Variants in DSCAM observed in about 807,000 individuals in gnomAD.
DSCAM encodes the protein cell adhesion molecule DSCAM.
DSCAM carries 47 observed loss-of-function variants against 217.7 expected under a neutral mutation model. The ratio of observed to expected loss-of-function variants is 0.22; its 90% CI spans 0.17 to 0.28. The LOEUF is 0.28. Among genes scored for constraint, DSCAM ranks in the 10% least tolerant of loss-of-function variants. The pLI is 1.00. For synonymous variants in DSCAM, 1,056 were observed against 1,015.3 expected, an observed-to-expected ratio of 1.04 and a Z score of -0.76; for missense variants, 2,080 against 2,618.3, an observed-to-expected ratio of 0.79 and a Z score of 4.49.
At chr21:40,045,737 C>G (rs2088832141) in intron 30 of DSCAM, among the ~76,000 whole-genome samples, 1 of 152,202 alleles carries the variant, frequency 6.6e-6, no homozygotes, top group East Asian at 1.9e-4. Context: ...CTGGCCACTT[C>G]TAAACCCAGC....
intron 3 of DSCAM, among the ~76,000 whole-genome samples, chr21:40,550,326 A>T (rs2076619462): frequency 6.6e-6 from 1 of 152,152 alleles, no homozygotes; most frequent in Admixed American, 6.5e-5. Flanking sequence ...GAAGTTTGAG[A>T]CCATCCTGGC....
At chr21:40,204,755 A>T (rs1473814936) in intron 11 of DSCAM, among the ~76,000 whole-genome samples, 1 of 152,234 alleles carries the variant, frequency 6.6e-6, no homozygotes, top group Non-Finnish European at 1.5e-5. Flanking sequence ...TGTAGTATTA[A>T]TGATACAAAG....
intron 20 of DSCAM, among the ~76,000 whole-genome samples, chr21:40,116,842 A>C (rs1244605025): frequency 6.6e-6 from 1 of 151,698 alleles, no homozygotes; most frequent in Non-Finnish European, 1.5e-5. Flanking sequence ...CTCTACTAAA[A>C]ATACAAAACA....
At chr21:40,191,110 A>G (rs566718806) in intron 11 of DSCAM, among the ~76,000 whole-genome samples, 13 of 152,186 alleles carry the variant, frequency 8.5e-5, no homozygotes, top group Non-Finnish European at 1.6e-4. Flanking sequence ...GTACTTGACC[A>G]TAGAAACACT....
intron 3 of DSCAM, among the ~76,000 whole-genome samples, chr21:40,498,668 C>CCATAT (rs1555846358): frequency 3.5e-5 from 1 of 28,526 alleles, no homozygotes; most frequent in African/African-American, 1.2e-4. Flanking sequence ...TATATATACC[C>CCATAT]ATATATATAT....
At chr21:40,496,533 A>G (rs1364975049) in intron 3 of DSCAM, among the ~76,000 whole-genome samples, 4 of 152,212 alleles carry the variant, frequency 2.6e-5, no homozygotes, top group Admixed American at 2.6e-4. Context: ...AAAATGGATT[A>G]AACACTTAAA....
intron 3 of DSCAM, among the ~76,000 whole-genome samples, chr21:40,580,292 G>A (rs963144888): frequency 1.6e-4 from 24 of 152,100 alleles, no homozygotes; most frequent in African/African-American, 5.5e-4. Flanking sequence ...CAGCACTTTG[G>A]GAGGCCGAGG....
intron 1 of DSCAM, among the ~76,000 whole-genome samples, chr21:40,846,106 AG>A (rs2092142889): frequency 6.6e-6 from 1 of 152,152 alleles, no homozygotes. Context: ...GGTGCATAGA[AG>A]GACAGAACAT....
intron 11 of DSCAM, among the ~76,000 whole-genome samples, chr21:40,267,466 A>G (rs2073554514): frequency 6.6e-6 from 1 of 152,196 alleles, no homozygotes; most frequent in African/African-American, 2.4e-5. Context: ...TTAAGTTACA[A>G]TGTTAGGATG....
chr21:40,413,752 G>C (rs2075344834), intron 3 of DSCAM, among the ~76,000 whole-genome samples: 1 of 152,162 alleles, frequency 6.6e-6, no homozygotes, highest in South Asian at 2.1e-4. Context: ...TTCACACAAA[G>C]ATAAACATAG....
At chr21:40,492,929 G>A (rs8130540) in intron 3 of DSCAM, among the ~76,000 whole-genome samples, 104,306 of 151,962 alleles carry the variant, frequency 0.69, 37,322 homozygotes, top group African/African-American at 0.91. Context: ...ACCAAGACAT[G>A]CTATAATCAA....
chr21:40,492,807 C>A (rs768948340), intron 3 of DSCAM, among the ~76,000 whole-genome samples: 34 of 152,026 alleles, frequency 2.2e-4, no homozygotes, highest in Admixed American at 6.6e-4. Flanking sequence ...AGAGGTAGAA[C>A]ACTTACTTAA....
At chr21:40,366,283 C>T (rs577648545) in intron 4 of DSCAM, among the ~76,000 whole-genome samples, 2 of 152,144 alleles carry the variant, frequency 1.3e-5, no homozygotes, top group Middle Eastern at 3.4e-3. Flanking sequence ...TTTAGTTATA[C>T]ATGTGTTTCA....
At chr21:40,792,570 C>G (rs935216823) in intron 1 of DSCAM, among the ~76,000 whole-genome samples, 17 of 152,142 alleles carry the variant, frequency 1.1e-4, no homozygotes, top group Non-Finnish European at 2.1e-4. Flanking sequence ...TCTGGAGGAA[C>G]ATGATTCAGT....
chr21:40,369,375 C>T (rs1292789300), intron 3 of DSCAM, 130 bp from the exon 4 acceptor site: 23 of 605,876 alleles, frequency 3.8e-5, no homozygotes, highest in African/African-American at 1.5e-4. Context: ...AAAATGGGTG[C>T]GTGCGTCTGC....
At chr21:40,547,746 G>C (rs1475449291) in intron 3 of DSCAM, among the ~76,000 whole-genome samples, 3 of 152,124 alleles carry the variant, frequency 2.0e-5, no homozygotes, top group Admixed American at 6.5e-5. Context: ...CTGGACACTG[G>C]GTTTCTGGAG....
chr21:40,577,383 C>T (rs2076860537), intron 3 of DSCAM, among the ~76,000 whole-genome samples: 1 of 151,082 alleles, frequency 6.6e-6, no homozygotes, highest in African/African-American at 2.4e-5. Context: ...AGGGCACTGA[C>T]ACGGTAGTCG....
chr21:40,563,568 T>C (rs940505988), intron 3 of DSCAM, among the ~76,000 whole-genome samples: 20 of 109,196 alleles, frequency 1.8e-4, no homozygotes, highest in African/African-American at 5.1e-4. Context: ...TATATGTTTA[T>C]ATATAGTTAT....
At chr21:40,534,469 A>G (rs1180721520) in intron 3 of DSCAM, among the ~76,000 whole-genome samples, 5 of 152,178 alleles carry the variant, frequency 3.3e-5, no homozygotes, top group Non-Finnish European at 7.3e-5. Context: ...AGGGTAGCTG[A>G]AGGGAGTCTT....
Sources: gnomAD v4.1 joint callset for allele counts (sites outside exome capture counted in the v4.1 genomes callset) on GRCh38, gnomAD v4.1.1 for gene constraint, MANE v1.5 for transcripts, NCBI Gene and HGNC (gene_info 2026-07-23, HGNC 2026-07-21) for gene names.